The following TGFBR2 variants were observed in gnomAD, a reference collection of about 807,000 sequenced individuals.
TGFBR2 encodes the protein TGF-beta receptor type-2.
Under a neutral mutation model 49.0 loss-of-function variants are expected in TGFBR2, and 18 were observed. That is an observed-to-expected ratio of 0.37 (90% CI 0.25 to 0.54). The LOEUF (loss-of-function observed/expected upper bound fraction) is 0.54. TGFBR2 is among the 20% of genes least tolerant of loss of function. TGFBR2 has a pLI of 0.85. For missense variants in TGFBR2, 525 were observed against 722.6 expected (o/e 0.73, Z 3.13); for synonymous variants, 282 against 275.9 (o/e 1.02, Z -0.22).
intron 2 of TGFBR2, among the ~76,000 whole-genome samples, chr3:30,649,829 C>T (rs901541251): frequency 2.1e-4 from 32 of 152,148 alleles, no homozygotes; most frequent in Admixed American, 2.1e-3. Context: ...TATAGCTAGA[C>T]AGGACAGATT....
At chr3:30,656,930 C>T (rs941167686) in intron 3 of TGFBR2, among the ~76,000 whole-genome samples, 1 of 152,164 alleles carries the variant, frequency 6.6e-6, no homozygotes, top group Non-Finnish European at 1.5e-5. Context: ...TGGATTGCAG[C>T]CTACTCTGAA....
chr3:30,623,896 C>T (rs544846536), intron 1 of TGFBR2, among the ~76,000 whole-genome samples: 1 of 152,324 alleles, frequency 6.6e-6, no homozygotes, highest in Admixed American at 6.5e-5. Flanking sequence ...AATCCCAGCA[C>T]TTTGTGAGGC....
At chr3:30,608,130 G>C (rs1301286723) in intron 1 of TGFBR2, among the ~76,000 whole-genome samples, 1 of 151,780 alleles carries the variant, frequency 6.6e-6, no homozygotes, top group Non-Finnish European at 1.5e-5. Flanking sequence ...GTAGAGACGG[G>C]GTTTCACCAT....
intron 1 of TGFBR2, chr3:30,623,389 A>G (rs1293791222): frequency 7.5e-7 from 1 of 1,325,346 alleles, no homozygotes; most frequent in East Asian, 2.3e-5. Context: ...GTATTTTCAT[A>G]TTTTCATAGC....
chr3:30,679,330 C>T (rs1699494429), intron 5 of TGFBR2, among the ~76,000 whole-genome samples: 1 of 152,188 alleles, frequency 6.6e-6, no homozygotes, highest in Non-Finnish European at 1.5e-5. Context: ...TGAGTTACTT[C>T]TTTACTAGCC....
At chr3:30,686,872 T>G (rs150511463) in intron 5 of TGFBR2, among the ~76,000 whole-genome samples, 17 of 152,308 alleles carry the variant, frequency 1.1e-4, no homozygotes, top group Non-Finnish European at 1.9e-4. Context: ...TTGGCCAGAG[T>G]TTATGCACTG....
chr3:30,649,371 G>A (rs1347628064), intron 2 of TGFBR2, among the ~76,000 whole-genome samples: 1 of 152,074 alleles, frequency 6.6e-6, no homozygotes, highest in Non-Finnish European at 1.5e-5. Flanking sequence ...AATTATAATA[G>A]TGGGCATTAA....
At chr3:30,650,994 C>A (rs1698873861) in intron 3 of TGFBR2, among the ~76,000 whole-genome samples, 1 of 151,992 alleles carries the variant, frequency 6.6e-6, no homozygotes, top group African/African-American at 2.4e-5. Flanking sequence ...GTCATCGATC[C>A]CATTTGAGAG....
chr3:30,651,402 T>TCATCGATCTGTCCATCCTTC (rs1698883759), intron 3 of TGFBR2, among the ~76,000 whole-genome samples: 2 of 152,112 alleles, frequency 1.3e-5, no homozygotes, highest in Non-Finnish European at 2.9e-5. Context: ...TTCCCTCCTT[T>TCATCGATCTGTCCATCCTTC]CATCCATCTG....
chr3:30,655,357 A>G (rs17838704), intron 3 of TGFBR2, among the ~76,000 whole-genome samples: 2,680 of 152,212 alleles, frequency 0.018, 70 homozygotes, highest in African/African-American at 0.061. Flanking sequence ...AAGGTTTTGG[A>G]GGGGCTCACT....
intron 1 of TGFBR2, among the ~76,000 whole-genome samples, chr3:30,620,112 G>A (rs1192060727): frequency 2.6e-5 from 4 of 152,152 alleles, no homozygotes; most frequent in South Asian, 2.1e-4. Context: ...GCGTGAACCT[G>A]GGAGGCGGAG....
chr3:30,611,611 G>A lies in TGFBR2; in HGVS notation c.94+4634G>A, dbSNP rs1285926089. 7.0e-5 allele frequency among the ~76,000 whole-genome samples: 6 copies of A among 86,150 alleles called. No individual in the cohort carries two copies. In the South Asian group the frequency reaches 1.4e-3, roughly 20 times the overall value. The allele number at this position is 86,150 out of a possible 152,430, so 56.5% of individuals were successfully genotyped here. A position where few individuals can be genotyped will look rare whatever the true frequency, so the allele number is the denominator to read the frequency against. The stretch of plus-strand genomic sequence containing the variant: ...TTTTTTTTTTTCATAGAAGGGTGTC[G>A]GAAAGAGAATTTTATTACGAATGAA... On this transcript the variant is annotated intron_variant, in intron 1 of 6. Coordinates refer to ENST00000295754, the MANE Select transcript of TGFBR2 (RefSeq NM_003242.6).
chr3:30,636,045 C>A (rs1274197000), intron 1 of TGFBR2, among the ~76,000 whole-genome samples: 1 of 152,054 alleles, frequency 6.6e-6, no homozygotes, highest in Non-Finnish European at 1.5e-5. Context: ...GGGTAGGGAC[C>A]AACCTGGTGT....
In TGFBR2 at chr3:30,676,532, T is replaced by TG. The variant is rs1467605307; in HGVS notation, c.1396+2290dup. Among the ~76,000 whole-genome samples, 21 of 152,238 alleles carry TG rather than the reference T, an allele frequency of 1.4e-4. No individual in the cohort carries two copies. Among genetic ancestry groups the TG allele is most frequent in the Non-Finnish European group, 2.5e-4 (17 of 68,030 alleles). ...TATGTATTTATATCAGCAGGGGATT[T>TG]GGGGTATTTGTTTCATTATATGAGT... On this transcript the variant is annotated intron_variant, in intron 5 of 6. Transcript: ENST00000295754. The surrounding 1 kb of genome is among the most constrained non-coding windows in gnomAD (Gnocchi z 4.3).
At chr3:30,638,368 TAAG>T (rs1348809242) in intron 1 of TGFBR2, among the ~76,000 whole-genome samples, 4 of 152,164 alleles carry the variant, frequency 2.6e-5, no homozygotes, top group Admixed American at 2.6e-4. Context: ...AATATTTGCA[TAAG>T]AAGGAGAATT....
chr3:30,674,362 C>A lies in TGFBR2; in HGVS notation c.1396+116C>A, dbSNP rs72850837. 8.1e-4 allele frequency: 1,112 copies of A among 1,366,970 alleles called. 13 individuals are homozygous for A. In the African/African-American group the frequency reaches 0.014, roughly 17 times the overall value. 84.7% of individuals were successfully genotyped at this position (1,366,970 alleles called of 1,614,324 possible). On this transcript the variant is annotated intron_variant, in intron 5 of 6. Transcript: ENST00000295754. ...AGCAGTTATTAGAGCTAGTTGAGAT[C>A]TGATATTATACAACCATCCCAGAAC...
At position 30,672,228 on chromosome 3, in the gene TGFBR2, A is replaced by G; in HGVS notation, c.1045A>G (p.Lys349Glu). Residue 349 changes from lysine to glutamate, a missense_variant, in exon 4 of 7, where the codon AAG becomes GAG. This residue lies in a region of TGFBR2 where 376 missense variants were observed against 478.2 expected (regional missense o/e 0.79). Coordinates refer to ENST00000295754, the MANE Select transcript of TGFBR2 (RefSeq NM_003242.6). The surrounding 1 kb of genome is among the most constrained non-coding windows in gnomAD (Gnocchi z 4.5). ...RHVISWEDLR[K>E]LGSSLARGIA... is the part of the protein sequence containing the mutation. ...TGTCATCAGCTGGGAGGACCTGCGCAAGCTGGGCAGCTCCCTCGCCCGGGG... is the reference window on the plus strand; with the variant it reads ...TGTCATCAGCTGGGAGGACCTGCGCGAGCTGGGCAGCTCCCTCGCCCGGGG... 6.2e-7 allele frequency: 1 copy of G among 1,608,734 alleles called. No individual in the cohort carries two copies.
chr3:30,619,552 C>T (rs1698191071), intron 1 of TGFBR2, among the ~76,000 whole-genome samples: 1 of 152,220 alleles, frequency 6.6e-6, no homozygotes, highest in African/African-American at 2.4e-5. Flanking sequence ...ACAGATGAAG[C>T]CAAACCTCTT....
chr3:30,664,055 G>A (rs902237235), intron 3 of TGFBR2, among the ~76,000 whole-genome samples: 1 of 151,906 alleles, frequency 6.6e-6, no homozygotes, highest in African/African-American at 2.4e-5. Context: ...CACCATTATA[G>A]CTCACTGCAG....
Sources: allele counts gnomAD v4.1 joint callset (sites outside exome capture counted in the v4.1 genomes callset), GRCh38; gene constraint gnomAD v4.1.1; regional missense constraint gnomAD v4.1.1; non-coding constraint Gnocchi (gnomAD v3.1); transcripts MANE v1.5; gene names NCBI Gene and HGNC (gene_info 2026-07-23, HGNC 2026-07-21).